CCDC178: variants seen among roughly 807,000 people sequenced by gnomAD.
CCDC178 encodes the protein coiled-coil domain containing 178.
In CCDC178, 126 loss-of-function variants were observed where a neutral mutation model predicts 117.4. That is an observed-to-expected ratio of 1.07 (90% CI 0.93 to 1.24). The LOEUF is 1.24. Ranked by LOEUF, CCDC178 falls within the 50% of genes most tolerant of loss-of-function variation. The pLI is 0.00. For synonymous variants in CCDC178, 283 were observed against 313.4 expected (o/e 0.90, Z 1.02); for missense variants, 1,030 against 986.9 (o/e 1.04, Z -0.59).
chr18:33,255,018 TCTTG>T (rs1490179997), intron 14 of CCDC178, among the ~76,000 whole-genome samples: 4 of 151,988 alleles, frequency 2.6e-5, no homozygotes, highest in African/African-American at 9.7e-5. Context: ...TATAGTGAGC[TCTTG>T]CTTTGGTGAG....
At chr18:33,409,854 A>G (rs1364538413) in intron 3 of CCDC178, among the ~76,000 whole-genome samples, 5 of 152,178 alleles carry the variant, frequency 3.3e-5, no homozygotes, top group Non-Finnish European at 7.3e-5. Flanking sequence ...TTAAATACAA[A>G]AGTCCTAAAC....
At chr18:33,038,236 G>T (rs2056481583) in intron 21 of CCDC178, among the ~76,000 whole-genome samples, 1 of 151,892 alleles carries the variant, frequency 6.6e-6, no homozygotes, top group Non-Finnish European at 1.5e-5. Context: ...TAGCATCAGG[G>T]AGAATTAAAG....
chr18:33,158,948 C>G (rs2058432204), intron 20 of CCDC178, among the ~76,000 whole-genome samples: 1 of 152,040 alleles, frequency 6.6e-6, no homozygotes, highest in Admixed American at 6.6e-5. Flanking sequence ...GGTTTATGGG[C>G]TGACAATTTG....
At chr18:33,304,134 A>G (rs2062217557) in intron 11 of CCDC178, among the ~76,000 whole-genome samples, 1 of 152,230 alleles carries the variant, frequency 6.6e-6, no homozygotes, top group African/African-American at 2.4e-5. Context: ...GTTGCTGCAT[A>G]AAAAGTATAA....
At chr18:33,272,281 C>G (rs575421730) in intron 12 of CCDC178, among the ~76,000 whole-genome samples, 6 of 151,382 alleles carry the variant, frequency 4.0e-5, no homozygotes, top group African/African-American at 1.4e-4. Context: ...ACATTTTATG[C>G]CAACAAATTA....
chr18:33,203,096 C>T lies in CCDC178; in HGVS notation c.2238+8800G>A, dbSNP rs529829934. Among the ~76,000 whole-genome samples the T allele has an allele frequency of 8.0e-4, 122 of 152,174 alleles. 1 individual carries two copies. Among genetic ancestry groups the T allele is most frequent in the African/African-American group, 2.8e-3 (118 of 41,518 alleles). ...GTAACTCTGGATATTAGCATAATTTCCTCTTTTCCTATATTAAGGTATATC... is the reference window on the plus strand; with the variant it reads ...GTAACTCTGGATATTAGCATAATTTTCTCTTTTCCTATATTAAGGTATATC... On this transcript the variant is annotated intron_variant, in intron 20 of 22. Coordinates refer to ENST00000383096, the MANE Select transcript of CCDC178 (RefSeq NM_001105528.4).
rs1331884391 is a variant in CCDC178 at position 33,372,749 on chromosome 18, CTA to C, written c.209-2562_209-2561del. Among the ~76,000 whole-genome samples the C allele has an allele frequency of 3.3e-5, 5 of 152,220 alleles. No individual in the cohort carries two copies. In the East Asian group the frequency reaches 9.7e-4, roughly 29 times the overall value. ...TGTGTGGGCAAATGAAATAGAAAGA[CTA>C]TGTTTATAAACTTTCAACTCTTACT... On this transcript the variant is annotated intron_variant, in intron 5 of 22. Coordinates refer to ENST00000383096, the MANE Select transcript of CCDC178 (RefSeq NM_001105528.4).
intron 5 of CCDC178, among the ~76,000 whole-genome samples, chr18:33,377,339 A>G (rs530913625): frequency 1.8e-4 from 1 of 5,486 alleles, no homozygotes; most frequent in African/African-American, 2.4e-4. Flanking sequence ...GATTTGGGAT[A>G]TTAGGCTTTT....
chr18:33,108,468 T>G (rs1423282378), intron 20 of CCDC178, among the ~76,000 whole-genome samples: 1 of 151,674 alleles, frequency 6.6e-6, no homozygotes, highest in African/African-American at 2.4e-5. Flanking sequence ...GAATAACTGC[T>G]GAAAAATCAA....
chr18:33,281,723 T>C (rs1217503013), intron 12 of CCDC178, among the ~76,000 whole-genome samples: 1 of 152,264 alleles, frequency 6.6e-6, no homozygotes, highest in Admixed American at 6.5e-5. Flanking sequence ...ATTTAAGCTT[T>C]GGCAGAATGC....
intron 20 of CCDC178, among the ~76,000 whole-genome samples, chr18:33,142,807 T>G (rs1455522247): frequency 6.6e-6 from 1 of 152,130 alleles, no homozygotes; most frequent in African/African-American, 2.4e-5. Flanking sequence ...TATCTAAATA[T>G]TAGGCTGATG....
intron 22 of CCDC178, among the ~76,000 whole-genome samples, chr18:32,942,117 T>C (rs1281067027): frequency 6.6e-6 from 1 of 152,140 alleles, no homozygotes; most frequent in East Asian, 1.9e-4. Context: ...TCTCCTAATG[T>C]AGTAAATGAG....
chr18:33,422,865 C>T (rs1167574772), intron 2 of CCDC178, among the ~76,000 whole-genome samples: 1 of 152,166 alleles, frequency 6.6e-6, no homozygotes, highest in Non-Finnish European at 1.5e-5. Context: ...AGTTTTCTAG[C>T]ATTGGTTCTG....
chr18:33,267,199 T>C lies in CCDC178; in HGVS notation c.1272+3A>G, dbSNP rs1271778590. 1 of 1,587,072 alleles carries C rather than the reference T, an allele frequency of 6.3e-7. No individual in the cohort carries two copies. Among genetic ancestry groups the C allele is most frequent in the African/African-American group, 1.4e-5 (1 of 73,348 alleles). On this transcript the variant is annotated splice_donor_region_variant and intron_variant, in intron 13 of 22. Transcript: ENST00000383096. ...AGTGGGAAGTAGGAAAAAATCAACT[T>C]ACTGCAGCATAAAAATCATTAACTG...
intron 2 of CCDC178, among the ~76,000 whole-genome samples, chr18:33,436,032 T>C (rs2064285652): frequency 6.6e-6 from 1 of 151,956 alleles, no homozygotes; most frequent in Non-Finnish European, 1.5e-5. Context: ...TTGGGAATTA[T>C]TATTATAGAA....
At chr18:33,373,370 T>A (rs984664669) in intron 5 of CCDC178, among the ~76,000 whole-genome samples, 1 of 147,388 alleles carries the variant, frequency 6.8e-6, no homozygotes, top group African/African-American at 2.4e-5. Context: ...TTCAATACAA[T>A]TTTTTTTTAC....
chr18:33,199,066 T>A (rs186612930), intron 20 of CCDC178, among the ~76,000 whole-genome samples: 16 of 152,114 alleles, frequency 1.1e-4, no homozygotes, highest in African/African-American at 2.9e-4. Context: ...GAGGTGCCAT[T>A]TCTCGGTAAA....
chr18:32,959,511 A>G (rs913023743), intron 22 of CCDC178, among the ~76,000 whole-genome samples: 3 of 152,014 alleles, frequency 2.0e-5, no homozygotes, highest in Non-Finnish European at 4.4e-5. Context: ...CTCTTTGTCT[A>G]TGGTCTATGA....
intron 18 of CCDC178, among the ~76,000 whole-genome samples, chr18:33,219,775 T>A (rs981011162): frequency 6.6e-5 from 10 of 151,630 alleles, no homozygotes; most frequent in Non-Finnish European, 1.5e-4. Context: ...GAGCCTGTCA[T>A]GGGGTTGGGG....
Sources: allele counts gnomAD v4.1 joint callset (sites outside exome capture counted in the v4.1 genomes callset), GRCh38; gene constraint gnomAD v4.1.1; transcripts MANE v1.5; gene names NCBI Gene and HGNC (gene_info 2026-07-23, HGNC 2026-07-21).